The following CREBBP variants were observed in gnomAD, a reference collection of about 807,000 sequenced individuals.
CREBBP encodes the protein CREB-binding protein.
In CREBBP, 19 loss-of-function variants were observed where a neutral mutation model predicts 265.0. That is an observed-to-expected ratio of 0.07 (90% CI 0.05 to 0.11). The LOEUF is 0.11. Ranked by LOEUF, CREBBP falls within the 10% of genes least tolerant of loss-of-function variation. CREBBP has a pLI of 1.00. For synonymous variants in CREBBP, 1,457 were observed against 1,223.7 expected (o/e 1.19, Z -3.98); for missense variants, 2,525 against 3,219.0 (o/e 0.78, Z 5.22).
Position 3,745,303 on chromosome 16 carries a change from C to T in CREBBP, c.3888G>A (p.Leu1296=), listed in dbSNP as rs762680888. The change falls in exon 22 of 31, where the codon CTG becomes CTA. Residue 1296 remains leucine, a synonymous_variant. Transcript: ENST00000262367. The part of the protein sequence containing the change: ...CGRKMHQICV[L]HYDIIWPSGF... ...CTGAAGGCCAAATGATGTCATAGTG[C>T]AGAACGCAAATCTGATGCATCTTCC... 4.3e-6 allele frequency: 7 copies of T among 1,613,890 alleles called. No individual in the cohort carries two copies. The highest frequency in any genetic ancestry group is 2.2e-5 in the East Asian group (1 of 44,900).
chr16:3,768,315 T>A (rs1450850637), intron 15 of CREBBP, among the ~76,000 whole-genome samples: 1 of 151,868 alleles, frequency 6.6e-6, no homozygotes, highest in Non-Finnish European at 1.5e-5. Context: ...TCGGCTAATT[T>A]TTTATATTCT....
intron 23 of CREBBP, among the ~76,000 whole-genome samples, chr16:3,744,356 G>A (rs2052290308): frequency 6.6e-6 from 1 of 152,208 alleles, no homozygotes; most frequent in Admixed American, 6.5e-5. Context: ...ATGCACGCAC[G>A]AGGGGTGAGG....
chr16:3,832,551 T>C (rs1034107141), intron 2 of CREBBP, among the ~76,000 whole-genome samples: 3 of 152,226 alleles, frequency 2.0e-5, no homozygotes, highest in Non-Finnish European at 4.4e-5. Context: ...CTAGGCTGTA[T>C]GGTATAGCCC....
intron 2 of CREBBP, among the ~76,000 whole-genome samples, chr16:3,825,283 T>C (rs9935626): frequency 0.025 from 3,853 of 152,302 alleles, 161 homozygotes; most frequent in African/African-American, 0.087. Context: ...ATAATATGAC[T>C]CACTGCTAAG....
chr16:3,875,500 G>T lies in CREBBP; in HGVS notation c.85+4332C>A, dbSNP rs75312966. On this transcript the variant is annotated intron_variant, in intron 1 of 30. Coordinates refer to ENST00000262367, the MANE Select transcript of CREBBP (RefSeq NM_004380.3). ...ACACCAGAACCAGAGGGAAAAGGGG[G>T]ACGCCCTAACCCAGGAGGAAGAATA... Among the ~76,000 whole-genome samples the T allele has an allele frequency of 4.2e-3, 641 of 152,264 alleles. 5 individuals are homozygous for T. The highest frequency in any genetic ancestry group is 0.015 in the African/African-American group (605 of 41,546).
chr16:3,749,552 AC>A, intron 21 of CREBBP, 74 bp downstream of exon 21: 1 of 981,580 alleles, frequency 1.0e-6, no homozygotes, highest in South Asian at 1.4e-5. Flanking sequence ...TTTACCCACA[AC>A]CCACTCCATA....
Position 3,725,631 on chromosome 16 carries a change from G to C in CREBBP, c.*2087C>G. 4.3e-6 allele frequency: 1 copy of C among 233,356 alleles called. No individual in the cohort carries two copies. Among genetic ancestry groups the C allele is most frequent in the Non-Finnish European group, 8.5e-6 (1 of 118,082 alleles). 14.5% of individuals were successfully genotyped at this position (233,356 alleles called of 1,614,324 possible). A position where few individuals can be genotyped will look rare whatever the true frequency, so the allele number is the denominator to read the frequency against. On this transcript the variant is annotated 3_prime_UTR_variant, in exon 31 of 31. Coordinates refer to ENST00000262367, the MANE Select transcript of CREBBP (RefSeq NM_004380.3). ...GGGGGCTGGTCAGGGGTGCCAGATG[G>C]TGGTCTTATTTTTACTTGAATTATT...
chr16:3,814,813 T>C (rs1278615970), intron 2 of CREBBP, among the ~76,000 whole-genome samples: 2 of 152,188 alleles, frequency 1.3e-5, no homozygotes, highest in African/African-American at 4.8e-5. Context: ...GTCTTTAGCC[T>C]ATGATAAAAA....
At chr16:3,801,534 G>C (rs2053712098) in intron 3 of CREBBP, among the ~76,000 whole-genome samples, 1 of 152,054 alleles carries the variant, frequency 6.6e-6, no homozygotes, top group Non-Finnish European at 1.5e-5. Context: ...GCTGGGTGTG[G>C]TGGCGCACAC....
chr16:3,788,810 G>A (rs558160441), intron 5 of CREBBP, among the ~76,000 whole-genome samples: 1 of 152,292 alleles, frequency 6.6e-6, no homozygotes, highest in East Asian at 1.9e-4. Context: ...AAATTAGCCA[G>A]GTATGGTGGC....
chr16:3,874,564 G>C (rs564825588), intron 1 of CREBBP, among the ~76,000 whole-genome samples: 3 of 152,206 alleles, frequency 2.0e-5, no homozygotes, highest in Non-Finnish European at 4.4e-5. Context: ...TGCAACAAGA[G>C]ACCATATGGC....
In CREBBP at chr16:3,736,717, C is replaced by T. The variant is rs1567269945; in HGVS notation, c.4493G>A (p.Arg1498Gln). Reference sequence around the variant, plus strand: ...CATCTTTTTGTACCACTCCTGCAGTCGTTTTGGCTTGGGTATTTTTTGATC... The same window carrying T: ...CATCTTTTTGTACCACTCCTGCAGTTGTTTTGGCTTGGGTATTTTTTGATC... ...PPDQKIPKPKRLQEWYKKMLD... is the reference protein window; with the variant it reads ...PPDQKIPKPKQLQEWYKKMLD... Residue 1498 changes from arginine to glutamine, a missense_variant, in exon 27 of 31, where the codon CGA becomes CAA. Coordinates refer to ENST00000262367, the MANE Select transcript of CREBBP (RefSeq NM_004380.3). The T allele has an allele frequency of 6.2e-7, 1 of 1,614,106 alleles. No homozygotes were observed. The highest frequency in any genetic ancestry group is 8.5e-7 in the Non-Finnish European group (1 of 1,180,040).
At chr16:3,825,179 A>G (rs111920230) in intron 2 of CREBBP, among the ~76,000 whole-genome samples, 42 of 152,326 alleles carry the variant, frequency 2.8e-4, no homozygotes, top group Middle Eastern at 6.8e-3. Context: ...GGCATTTCTC[A>G]GTATTATCTA....
Position 3,773,915 on chromosome 16 carries a change from A to C in CREBBP, c.2299T>G (p.Ser767Ala), listed in dbSNP as rs757600398. 4 of 1,612,012 alleles carry C rather than the reference A, an allele frequency of 2.5e-6. No homozygotes were observed. Among genetic ancestry groups the C allele is most frequent in the Non-Finnish European group, 3.4e-6 (4 of 1,180,016 alleles). Residue 767 changes from serine to alanine, a missense_variant, in exon 13 of 31, where the codon TCC (serine) becomes GCC (alanine). Ser to Ala is a moderately conservative substitution (Grantham distance 99). Coordinates refer to ENST00000262367, the MANE Select transcript of CREBBP (RefSeq NM_004380.3). The stretch of plus-strand genomic sequence containing the variant: ...ATGTTCGGAGGCTGAGGCATTCGGG[A>C]AGGAGAAATGGCCATCTACGAGACA... ...GSVPGMAISP[S>A]RMPQPPNMMG...
intron 5 of CREBBP, 65 bp downstream of exon 5, chr16:3,791,916 T>C: frequency 1.4e-6 from 2 of 1,396,816 alleles, no homozygotes; most frequent in Non-Finnish European, 2.0e-6. Flanking sequence ...ACCTACTCTC[T>C]GAATTTTCTT....
chr16:3,777,475 G>T (rs1260899064), intron 11 of CREBBP, 138 bp downstream of exon 11: 1 of 915,356 alleles, frequency 1.1e-6, no homozygotes, highest in Non-Finnish European at 1.8e-6. Context: ...CTGTAGAACT[G>T]AATTCTGCTT....
chr16:3,744,773 A>G, intron 23 of CREBBP, 121 bp downstream of exon 23: 1 of 808,800 alleles, frequency 1.2e-6, no homozygotes, highest in Non-Finnish European at 2.1e-6. Context: ...AAAACTAACG[A>G]AAATCTTTGA....
intron 3 of CREBBP, among the ~76,000 whole-genome samples, chr16:3,795,195 C>T (rs1000364656): frequency 2.6e-5 from 4 of 152,180 alleles, no homozygotes; most frequent in Admixed American, 2.6e-4. Flanking sequence ...AGAAGCAGAA[C>T]ACCATGAATG....
Position 3,788,294 on chromosome 16 carries a change from A to G in CREBBP, c.1330+3687T>C, listed in dbSNP as rs78230292. On this transcript the variant is annotated intron_variant, in intron 5 of 30. Coordinates refer to ENST00000262367, the MANE Select transcript of CREBBP (RefSeq NM_004380.3). Reference sequence around the variant, plus strand: ...CATCTCAGATTTTAATGTGCACACTAATCACCCAGGATTTTTATAAAAATG... The same window carrying G: ...CATCTCAGATTTTAATGTGCACACTGATCACCCAGGATTTTTATAAAAATG... 7.7e-3 allele frequency among the ~76,000 whole-genome samples: 1,170 copies of G among 152,316 alleles called. 14 individuals are homozygous for G. Among genetic ancestry groups the G allele is most frequent in the Middle Eastern group, 0.034 (10 of 294 alleles).
Sources: allele counts gnomAD v4.1 joint callset (sites outside exome capture counted in the v4.1 genomes callset), GRCh38; gene constraint gnomAD v4.1.1; transcripts MANE v1.5; gene names NCBI Gene and HGNC (gene_info 2026-07-23, HGNC 2026-07-21).